SNW1: variants seen among roughly 807,000 people sequenced by gnomAD.
SNW1 encodes the protein SNW domain containing 1.
In SNW1, 9 loss-of-function variants were observed where a neutral mutation model predicts 75.6. The observed-to-expected ratio is 0.12, with a 90% CI of 0.07 to 0.21. The LOEUF (loss-of-function observed/expected upper bound fraction) is 0.21. Ranked by LOEUF, SNW1 falls within the 10% of genes least tolerant of loss-of-function variation. The pLI is 1.00. For missense variants in SNW1, 409 were observed against 670.9 expected (o/e 0.61, Z 4.31); for synonymous variants, 200 against 219.1 (o/e 0.91, Z 0.77).
intron 11 of SNW1, among the ~76,000 whole-genome samples, chr14:77,722,044 G>A (rs571726075): frequency 3.9e-5 from 6 of 152,268 alleles, no homozygotes; most frequent in African/African-American, 1.2e-4. Flanking sequence ...CACTGTGCCC[G>A]GCCTCTTTTT....
chr14:77,756,109 C>T (rs1036301403), intron 1 of SNW1, among the ~76,000 whole-genome samples: 1 of 151,950 alleles, frequency 6.6e-6, no homozygotes, highest in Non-Finnish European at 1.5e-5. Flanking sequence ...CCAGTATATA[C>T]TTGCTATTCT....
At chr14:77,726,933 GT>G (rs2080590445) in intron 10 of SNW1, among the ~76,000 whole-genome samples, 1 of 152,116 alleles carries the variant, frequency 6.6e-6, no homozygotes. Flanking sequence ...ATTTTTGTAT[GT>G]TGGTTTTGTA....
At chr14:77,744,446 C>CAAAAAAAAAAAAA (rs11335115) in intron 3 of SNW1, among the ~76,000 whole-genome samples, 8 of 82,952 alleles carry the variant, frequency 9.6e-5, no homozygotes, top group Non-Finnish European at 1.3e-4. Context: ...GTCTCCATCT[C>CAAAAAAAAAAAAA]AAAAAAAAAA....
chr14:77,738,016 T>C (rs1396450447), intron 5 of SNW1, among the ~76,000 whole-genome samples: 18 of 72,018 alleles, frequency 2.5e-4, no homozygotes, highest in African/African-American at 9.2e-4. Context: ...AAAAAGAAAA[T>C]AGCATAGGCT....
intron 3 of SNW1, among the ~76,000 whole-genome samples, chr14:77,748,493 A>T (rs1421559183): frequency 2.6e-5 from 4 of 152,124 alleles, no homozygotes; most frequent in African/African-American, 9.7e-5. Flanking sequence ...AACAGCAGTT[A>T]CCTCTGGGAA....
rs2080498680 is a variant in SNW1 at position 77,717,621 on chromosome 14, G to C, written c.*467C>G. 6.6e-7 allele frequency: 1 copy of C among 1,508,936 alleles called. No individual in the cohort carries two copies. The highest frequency in any genetic ancestry group is 1.7e-5 in the Admixed American group (1 of 57,604). The allele number at this position is 1,508,936 out of a possible 1,614,324, so 93.5% of individuals were successfully genotyped here. On this transcript the variant is annotated 3_prime_UTR_variant, in exon 14 of 14. Transcript: ENST00000261531. ...GAATTTTGTCTAAATGTTTTTATTT[G>C]AAACAAATAGTTGCACCAAGCAAGA...
chr14:77,740,780 T>C (rs1566832136), intron 3 of SNW1, among the ~76,000 whole-genome samples: 1 of 152,152 alleles, frequency 6.6e-6, no homozygotes, highest in African/African-American at 2.4e-5. Flanking sequence ...TTTACATGGT[T>C]ATTATCTGTC....
At chr14:77,719,942 C>T (rs184395981) in intron 12 of SNW1, among the ~76,000 whole-genome samples, 33 of 152,172 alleles carry the variant, frequency 2.2e-4, no homozygotes, top group Non-Finnish European at 3.8e-4. Context: ...CTTGTGTGTG[C>T]GCATGCGCCC....
chr14:77,750,093 C>T (rs1358479084), intron 3 of SNW1, among the ~76,000 whole-genome samples: 3 of 151,996 alleles, frequency 2.0e-5, no homozygotes, highest in African/African-American at 7.2e-5. Flanking sequence ...CTCAGCCACT[C>T]GAGAGGCTGA....
chr14:77,725,984 T>TGGTCTA (rs2080581988), intron 10 of SNW1, among the ~76,000 whole-genome samples: 1 of 152,162 alleles, frequency 6.6e-6, no homozygotes, highest in Non-Finnish European at 1.5e-5. Flanking sequence ...TCTGTTCCAC[T>TGGTCTA]GGTCTATGTG....
chr14:77,741,252 G>A (rs999710712), intron 3 of SNW1, among the ~76,000 whole-genome samples: 1 of 151,966 alleles, frequency 6.6e-6, no homozygotes, highest in Non-Finnish European at 1.5e-5. Context: ...AGTGACTCAC[G>A]CCTGTAATCA....
chr14:77,759,324 A>G (rs2080867183), intron 1 of SNW1, among the ~76,000 whole-genome samples: 1 of 152,144 alleles, frequency 6.6e-6, no homozygotes, highest in African/African-American at 2.4e-5. Context: ...CAGGCTGGGC[A>G]ACATGGCAAA....
At chr14:77,722,594 A>T (rs61993671) in intron 11 of SNW1, 21,586 of 405,618 alleles carry the variant, frequency 0.053, 769 homozygotes, top group Non-Finnish European at 0.078. Flanking sequence ...CCTTTTCAAA[A>T]ATCTGATCTC....
At chr14:77,744,519 T>C (rs2080745746) in intron 3 of SNW1, among the ~76,000 whole-genome samples, 2 of 151,708 alleles carry the variant, frequency 1.3e-5, no homozygotes, top group South Asian at 2.1e-4. Context: ...GAACAATGCT[T>C]TGGAGACCTT....
chr14:77,755,779 C>T (rs1382215459), intron 1 of SNW1, among the ~76,000 whole-genome samples: 1 of 150,944 alleles, frequency 6.6e-6, no homozygotes, highest in Non-Finnish European at 1.5e-5. Context: ...CTCTGTGTCA[C>T]CTAGGCTAGA....
At chr14:77,760,438 C>T (rs2080878481) in intron 1 of SNW1, among the ~76,000 whole-genome samples, 1 of 152,192 alleles carries the variant, frequency 6.6e-6, no homozygotes, top group African/African-American at 2.4e-5. Context: ...ACTTCTCGGA[C>T]TCTCCCACTG....
chr14:77,722,919 A>G (rs921039319), intron 11 of SNW1: 3 of 433,982 alleles, frequency 6.9e-6, no homozygotes, highest in Admixed American at 7.4e-5. Flanking sequence ...ATCTCGGCTC[A>G]CTGCAAGCTC....
intron 10 of SNW1, among the ~76,000 whole-genome samples, chr14:77,728,303 T>C (rs927779093): frequency 7.9e-5 from 12 of 152,022 alleles, no homozygotes; most frequent in African/African-American, 2.7e-4. Context: ...TACAAAAAAT[T>C]AGCTGGGCAT....
intron 10 of SNW1, among the ~76,000 whole-genome samples, chr14:77,728,281 C>G (rs554026079): frequency 5.9e-5 from 9 of 152,162 alleles, no homozygotes; most frequent in Admixed American, 3.9e-4. Context: ...AAAACCCCAT[C>G]TCTACTAATA....
Sources: allele counts gnomAD v4.1 joint callset (sites outside exome capture counted in the v4.1 genomes callset), GRCh38; gene constraint gnomAD v4.1.1; transcripts MANE v1.5; gene names NCBI Gene and HGNC (gene_info 2026-07-23, HGNC 2026-07-21).